Variants in CDKL1 observed in about 807,000 individuals in gnomAD.
CDKL1 encodes the protein cyclin-dependent kinase-like 1.
CDKL1 carries 41 observed loss-of-function variants against 42.0 expected under a neutral mutation model. That is an observed-to-expected ratio of 0.98 (90% CI 0.76 to 1.27). The LOEUF (loss-of-function observed/expected upper bound fraction) is 1.27, where lower values mean the gene tolerates loss of function less well. CDKL1 is among the 50% of genes most tolerant of loss of function. CDKL1 has a pLI of 0.00. For synonymous variants in CDKL1, 153 were observed against 158.6 expected (o/e 0.96, Z 0.26); for missense variants, 394 against 428.4 (o/e 0.92, Z 0.71).
intron 9 of CDKL1, 31 bp from the exon 10 acceptor site, chr14:50,330,212 A>C (rs778627377): frequency 1.9e-6 from 3 of 1,585,148 alleles, no homozygotes; most frequent in Non-Finnish European, 2.6e-6. Context: ...ATTAGGTTCA[A>C]AACTGTGCCA....
chr14:50,397,285 C>A, upstream of CDKL1: 1 of 1,365,574 alleles, frequency 7.3e-7, no homozygotes. Flanking sequence ...ATCAGTGCTG[C>A]GGCGTCAGTG....
intron 2 of CDKL1, chr14:50,390,167 A>G (rs751955126): frequency 7.3e-7 from 1 of 1,365,880 alleles, no homozygotes; most frequent in Non-Finnish European, 9.8e-7. Flanking sequence ...TCTTTGTCTC[A>G]CTTGTTTTTC....
At position 50,359,278 on chromosome 14, in the gene CDKL1, C is replaced by A. The variant is rs2034163976; in HGVS notation, c.169-129G>T. On this transcript the variant is annotated intron_variant, in intron 2 of 9. Coordinates refer to ENST00000395834, the MANE Select transcript of CDKL1 (RefSeq NM_004196.7). ...TTCTTAGATTGAAGGAGGCTGTAAA[C>A]AGTATCATCTTACCCCTCTTAACAA... The A allele has an allele frequency of 4.8e-6, 5 of 1,039,548 alleles. No individual in the cohort carries two copies. In the South Asian group the frequency reaches 8.6e-5, roughly 18 times the overall value. The allele number at this position is 1,039,548 out of a possible 1,614,324, so 64.4% of individuals were successfully genotyped here. A position where few individuals can be genotyped will look rare whatever the true frequency, so the allele number is the denominator to read the frequency against.
intron 3 of CDKL1, among the ~76,000 whole-genome samples, chr14:50,348,255 T>C (rs2033791800): frequency 6.6e-6 from 1 of 152,216 alleles, no homozygotes; most frequent in Admixed American, 6.5e-5. Flanking sequence ...AAAGTCTCTA[T>C]GGAACTAGGA....
rs1228287153 is a variant in CDKL1, at chr14:50,330,045, CT to C, written c.*28del. On this transcript the variant is annotated 3_prime_UTR_variant, in exon 10 of 10. Transcript: ENST00000395834. ...TTTTCTTCAAAGCATCTATTGATTC[CT>C]TTTTTAAAATCATGTCTCCTAGCTC... is the stretch of plus-strand genomic sequence containing the variant. The C allele has an allele frequency of 3.1e-6, 5 of 1,598,598 alleles. No individual in the cohort carries two copies. Among genetic ancestry groups the C allele is most frequent in the Non-Finnish European group, 4.3e-6 (5 of 1,176,232 alleles).
At chr14:50,332,792 T>C (rs1445075846) in intron 8 of CDKL1, 2 of 767,898 alleles carry the variant, frequency 2.6e-6, no homozygotes, top group Non-Finnish European at 4.2e-6. Context: ...TAAAAACTAG[T>C]GTTTTTATTT....
At chr14:50,372,546 T>C (rs1448105050) in intron 2 of CDKL1, among the ~76,000 whole-genome samples, 1 of 152,248 alleles carries the variant, frequency 6.6e-6, no homozygotes, top group African/African-American at 2.4e-5. Context: ...CTTTTTAGTT[T>C]CATGTAATCC....
rs931694306 is a variant in CDKL1, at chr14:50,329,943, T to A, written c.*131A>T. 2.7e-6 allele frequency: 3 copies of A among 1,107,344 alleles called. No individual in the cohort carries two copies. The African/African-American group carries it at 4.9e-5, about 18-fold the overall frequency. 68.6% of individuals were successfully genotyped at this position (1,107,344 alleles called of 1,614,324 possible). A position where few individuals can be genotyped will look rare whatever the true frequency, so the allele number is the denominator to read the frequency against. ...TCCCTTCATATCTTGCCAGTTGGCC[T>A]CCCAGTTTCTTGCTTATGTTTTCTC... On this transcript the variant is annotated 3_prime_UTR_variant, in exon 10 of 10. Coordinates refer to ENST00000395834, the MANE Select transcript of CDKL1 (RefSeq NM_004196.7).
upstream of CDKL1, chr14:50,397,182 G>A: frequency 7.3e-7 from 1 of 1,366,598 alleles, no homozygotes; most frequent in African/African-American, 1.5e-5. Context: ...CCCCTCCTGA[G>A]CGGTCCACAT....
At chr14:50,340,887 A>G in intron 6 of CDKL1, 145 bp downstream of exon 6, 1 of 753,454 alleles carries the variant, frequency 1.3e-6, no homozygotes, top group Non-Finnish European at 2.1e-6. Context: ...CCTTTAATGG[A>G]GTCATTTAAA....
intron 5 of CDKL1, among the ~76,000 whole-genome samples, chr14:50,341,548 G>T (rs1016085620): frequency 6.6e-6 from 1 of 151,778 alleles, no homozygotes; most frequent in South Asian, 2.1e-4. Flanking sequence ...GGAGGCCGAG[G>T]TAGGTGGTTT....
At chr14:50,382,364 T>C (rs931599855) in intron 2 of CDKL1, among the ~76,000 whole-genome samples, 8 of 152,008 alleles carry the variant, frequency 5.3e-5, no homozygotes, top group African/African-American at 1.9e-4. Context: ...GAGGTAGGAA[T>C]TGCGTGAACC....
At chr14:50,332,599 G>T (rs1344831746) in intron 8 of CDKL1, 167 bp from the exon 9 acceptor site, 3 of 1,480,392 alleles carry the variant, frequency 2.0e-6, no homozygotes, top group East Asian at 2.5e-5. Context: ...ATTCCTAAAT[G>T]GCACTCACAT....
At chr14:50,362,058 T>C (rs2034268269) in intron 2 of CDKL1, 2 of 223,030 alleles carry the variant, frequency 9.0e-6, no homozygotes, top group Non-Finnish European at 1.8e-5. Flanking sequence ...AGTGAGGGGC[T>C]TAGCACCTGG....
At chr14:50,343,156 T>A in intron 4 of CDKL1, 6 of 142,170 alleles carry the variant, frequency 4.2e-5, no homozygotes, top group South Asian at 8.1e-5. Context: ...TAAGAGTTAC[T>A]TTTTTTTTTT....
intron 2 of CDKL1, chr14:50,376,325 A>G (rs1342276015): frequency 2.1e-6 from 1 of 465,440 alleles, no homozygotes; most frequent in Admixed American, 2.4e-5. Flanking sequence ...ACACACAGAC[A>G]CGTCCTCTTA....
intron 2 of CDKL1, among the ~76,000 whole-genome samples, chr14:50,375,794 C>T (rs1303412705): frequency 6.6e-6 from 1 of 150,436 alleles, no homozygotes; most frequent in Non-Finnish European, 1.5e-5. Context: ...GAGACTCCAT[C>T]TCAAAAAAAA....
intron 8 of CDKL1, chr14:50,334,364 C>T: frequency 2.1e-6 from 1 of 478,526 alleles, no homozygotes; most frequent in South Asian, 4.3e-5. Context: ...GTTGACCAGG[C>T]TGGTTTTGAA....
chr14:50,395,164 AC>A (rs2139561987), intron 2 of CDKL1, among the ~76,000 whole-genome samples: 2 of 152,366 alleles, frequency 1.3e-5, no homozygotes, highest in East Asian at 3.9e-4. Context: ...AATAGGAAAT[AC>A]CTTAGAAGTT....
Sources: allele counts gnomAD v4.1 joint callset (sites outside exome capture counted in the v4.1 genomes callset), GRCh38; gene constraint gnomAD v4.1.1; transcripts MANE v1.5; gene names NCBI Gene and HGNC (gene_info 2026-07-23, HGNC 2026-07-21).